RORB: variants seen among roughly 807,000 people sequenced by gnomAD.
RORB encodes the protein nuclear receptor ROR-beta.
RORB carries 6 observed loss-of-function variants against 59.1 expected under a neutral mutation model. The ratio of observed to expected loss-of-function variants is 0.10; its 90% CI spans 0.06 to 0.20. The LOEUF is 0.20. RORB is among the 10% of genes least tolerant of loss of function. The pLI, the probability that RORB is intolerant of heterozygous loss-of-function variation, is 1.00. For synonymous variants in RORB, 215 were observed against 204.5 expected (o/e 1.05, Z -0.44); for missense variants, 320 against 560.5 (o/e 0.57, Z 4.33).
At chr9:74,617,696 G>A (rs932176307) in intron 1 of RORB, among the ~76,000 whole-genome samples, 2 of 152,132 alleles carry the variant, frequency 1.3e-5, no homozygotes, top group African/African-American at 2.4e-5. Context: ...GGGCCTTTGT[G>A]ACATTTCGCT....
At chr9:74,505,945 CAG>C (rs1381548658) in intron 1 of RORB, among the ~76,000 whole-genome samples, 1 of 150,130 alleles carries the variant, frequency 6.7e-6, no homozygotes, top group Admixed American at 6.6e-5. Flanking sequence ...AGACGAGTAT[CAG>C]TGTAAGGAAG....
At chr9:74,610,058 A>G (rs1823211215) in intron 1 of RORB, among the ~76,000 whole-genome samples, 1 of 152,232 alleles carries the variant, frequency 6.6e-6, no homozygotes, top group Non-Finnish European at 1.5e-5. Flanking sequence ...GGGCAAAATC[A>G]TGGAAATAAT....
chr9:74,543,631 G>A (rs1225537986), intron 1 of RORB, among the ~76,000 whole-genome samples: 1 of 151,954 alleles, frequency 6.6e-6, no homozygotes, highest in Non-Finnish European at 1.5e-5. Flanking sequence ...TTCAATTGAT[G>A]GAGGAGGAAC....
At chr9:74,640,309 C>A (rs1007691549) in intron 3 of RORB, among the ~76,000 whole-genome samples, 5 of 152,006 alleles carry the variant, frequency 3.3e-5, no homozygotes, top group African/African-American at 1.2e-4. Context: ...GGCTCAGTCT[C>A]GGCTCACTGC....
At chr9:74,636,636 G>T (rs892421561) in intron 3 of RORB, among the ~76,000 whole-genome samples, 1 of 152,130 alleles carries the variant, frequency 6.6e-6, no homozygotes. Flanking sequence ...GGACACTGAG[G>T]ATTAAGAATA....
intron 1 of RORB, among the ~76,000 whole-genome samples, chr9:74,508,191 A>G (rs1232463905): frequency 6.6e-6 from 1 of 151,998 alleles, no homozygotes; most frequent in Non-Finnish European, 1.5e-5. Flanking sequence ...TAAGTACCAA[A>G]GGAAAAGAGC....
intron 1 of RORB, among the ~76,000 whole-genome samples, chr9:74,573,475 A>AC (rs1822583898): frequency 6.6e-6 from 1 of 151,938 alleles, no homozygotes; most frequent in African/African-American, 2.4e-5. Flanking sequence ...AAAAAAAAAA[A>AC]AAAAAAAAAA....
At chr9:74,585,575 T>G (rs1822785863) in intron 1 of RORB, among the ~76,000 whole-genome samples, 1 of 152,204 alleles carries the variant, frequency 6.6e-6, no homozygotes, top group Non-Finnish European at 1.5e-5. Context: ...AGGCAGCTGA[T>G]AGCTATAGTC....
intron 1 of RORB, among the ~76,000 whole-genome samples, chr9:74,618,532 C>A (rs1563954555): frequency 6.6e-6 from 1 of 152,036 alleles, no homozygotes; most frequent in Non-Finnish European, 1.5e-5. Context: ...TTTTCTCTGC[C>A]GTCCTGGCTC....
Position 74,682,366 on chromosome 9 carries a change from T to C in RORB, c.1225-3097T>C, listed in dbSNP as rs532412031. Among the ~76,000 whole-genome samples, 3 of 151,578 alleles carry C rather than the reference T, an allele frequency of 2.0e-5. No homozygotes were observed. In the East Asian group the frequency reaches 5.9e-4, roughly 30 times the overall value. On this transcript the variant is annotated intron_variant, in intron 9 of 9. Transcript: ENST00000376896. ...AGTTACTGGGTGCAGCACACCAACA[T>C]GGCACATGTATACATATGTAACTAA...
chr9:74,576,547 G>A (rs188462186), intron 1 of RORB, among the ~76,000 whole-genome samples: 9 of 152,150 alleles, frequency 5.9e-5, no homozygotes, highest in African/African-American at 1.9e-4. Flanking sequence ...TACATGTCAT[G>A]ATGATTATAA....
chr9:74,688,032 A>C lies in RORB; in HGVS notation c.*2414A>C, dbSNP rs1489417988. 6.6e-6 allele frequency: 1 copy of C among 152,192 alleles called. No homozygotes were observed. Among genetic ancestry groups the C allele is most frequent in the Non-Finnish European group, 1.5e-5 (1 of 68,036 alleles). The allele number at this position is 152,192 out of a possible 1,614,324, so 9.4% of individuals were successfully genotyped here. A position where few individuals can be genotyped will look rare whatever the true frequency, so the allele number is the denominator to read the frequency against. ...TACCTTAGAGGATTTAAATTGGCTC[A>C]ATTGATGAAGTGGCTCAGAATTTTT... On this transcript the variant is annotated 3_prime_UTR_variant, in exon 10 of 10. Transcript: ENST00000376896.
chr9:74,668,607 T>C (rs1478659560), intron 8 of RORB, among the ~76,000 whole-genome samples: 3 of 152,162 alleles, frequency 2.0e-5, no homozygotes, highest in Admixed American at 2.0e-4. Context: ...TACTGTATTC[T>C]TACAATAAAG....
Position 74,642,753 on chromosome 9 carries a change from T to C in RORB, c.575T>C (p.Leu192Ser), listed in dbSNP as rs1228146967. ...TATGACCTCACATCCGTACCCAACTTGTTTACCTATAGCTCTTTCAACAAT... is the reference window on the plus strand; with the variant it reads ...TATGACCTCACATCCGTACCCAACTCGTTTACCTATAGCTCTTTCAACAAT... ...PIYDLTSVPN[L>S]FTYSSFNNGQ... is the part of the protein sequence containing the mutation. The change falls in exon 4 of 10, where the codon TTG becomes TCG. Residue 192 changes from leucine (L) to serine (S), a missense_variant. Physicochemically the swap from Leu to Ser is moderately radical, Grantham distance 145. This residue lies in a region of RORB where 134 missense variants were observed against 156.2 expected (regional missense o/e 0.86). Coordinates refer to ENST00000376896, the MANE Select transcript of RORB (RefSeq NM_006914.4). 2.5e-6 allele frequency: 4 copies of C among 1,613,816 alleles called. No homozygotes were observed.
chr9:74,581,825 T>C (rs192787737), intron 1 of RORB, among the ~76,000 whole-genome samples: 17 of 152,316 alleles, frequency 1.1e-4, no homozygotes, highest in Admixed American at 1.0e-3. Context: ...TGATGGATTA[T>C]TACATTATAT....
intron 1 of RORB, among the ~76,000 whole-genome samples, chr9:74,557,587 A>C (rs765880808): frequency 7.9e-5 from 12 of 152,202 alleles, no homozygotes; most frequent in Non-Finnish European, 1.3e-4. Context: ...ATAATCAGGT[A>C]TGCAAATATA....
chr9:74,693,115 A>G lies in RORB; in HGVS notation c.*7497A>G, dbSNP rs868527232. On this transcript the variant is annotated 3_prime_UTR_variant, in exon 10 of 10. Transcript: ENST00000376896. ...TTCTGAATGTTTTCTGTAAATGACAATCAATGTTTATGAAGTTTCCTCCTT... is the reference window on the plus strand; with the variant it reads ...TTCTGAATGTTTTCTGTAAATGACAGTCAATGTTTATGAAGTTTCCTCCTT... 3.3e-5 allele frequency: 5 copies of G among 152,220 alleles called. No homozygotes were observed. 9.4% of individuals were successfully genotyped at this position (152,220 alleles called of 1,614,324 possible). A position where few individuals can be genotyped will look rare whatever the true frequency, so the allele number is the denominator to read the frequency against.
intron 1 of RORB, among the ~76,000 whole-genome samples, chr9:74,553,844 T>C (rs1458812922): frequency 6.6e-6 from 1 of 152,192 alleles, no homozygotes; most frequent in Non-Finnish European, 1.5e-5. Flanking sequence ...TTTAGTTTTC[T>C]TGACCCAGGC....
At chr9:74,627,319 T>A (rs1823536545) in intron 1 of RORB, among the ~76,000 whole-genome samples, 1 of 152,188 alleles carries the variant, frequency 6.6e-6, no homozygotes, top group South Asian at 2.1e-4. Context: ...TAAGTTAAAA[T>A]GGTCACAGAT....
Sources: allele counts gnomAD v4.1 joint callset (sites outside exome capture counted in the v4.1 genomes callset), GRCh38; gene constraint gnomAD v4.1.1; regional missense constraint gnomAD v4.1.1; transcripts MANE v1.5; gene names NCBI Gene and HGNC (gene_info 2026-07-23, HGNC 2026-07-21).